PLA2G2D: variants seen among roughly 807,000 people sequenced by gnomAD.
PLA2G2D encodes the protein phospholipase A2 group IID, also known as group IID secretory phospholipase A2.
In PLA2G2D, 17 loss-of-function variants were observed where a neutral mutation model predicts 13.9. That is an observed-to-expected ratio of 1.23 (90% CI 0.84 to 1.84). PLA2G2D has a LOEUF of 1.84. Among genes scored for constraint, PLA2G2D ranks in the 40% most tolerant of loss-of-function variants. The pLI is 0.00. For synonymous variants in PLA2G2D, 83 were observed against 69.3 expected, an observed-to-expected ratio of 1.20 and a Z score of -0.98; for missense variants, 194 against 178.7, an observed-to-expected ratio of 1.09 and a Z score of -0.49.
At position 20,116,469 on chromosome 1, in the gene PLA2G2D, G is replaced by C; in HGVS notation, c.49C>G (p.Pro17Ala). The change falls in exon 2 of 4, where the codon CCA (proline) becomes GCA (alanine). Residue 17 changes from proline to alanine, a missense_variant. Pro to Ala is a conservative substitution (Grantham distance 27, BLOSUM62 -1). Coordinates refer to ENST00000375105, the MANE Select transcript of PLA2G2D (RefSeq NM_012400.4). Reference protein sequence around the residue: ...CGLVVMAGVIPIQGGILNLNK... With the variant: ...CGLVVMAGVIAIQGGILNLNK... ...AGGTTCAGGATCCCGCCCTGGATTG[G>C]AATCACACCTGCCAAGCAGCCCAGC... The C allele has an allele frequency of 6.2e-7, 1 of 1,614,156 alleles. No homozygotes were observed. Among genetic ancestry groups the C allele is most frequent in the Non-Finnish European group, 8.5e-7 (1 of 1,180,024 alleles).
At position 20,113,534 on chromosome 1, in the gene PLA2G2D, G is replaced by A. The variant is rs147591150; in HGVS notation, c.*580C>T. ...TTTATGGAGCTCCTTCTTGGTTCTGGTGTTGCTTTGGGCACCAGGGATGCA... is the reference window on the plus strand; with the variant it reads ...TTTATGGAGCTCCTTCTTGGTTCTGATGTTGCTTTGGGCACCAGGGATGCA... On this transcript the variant is annotated 3_prime_UTR_variant, in exon 4 of 4. Transcript: ENST00000375105. 6.6e-6 allele frequency: 1 copy of A among 152,280 alleles called. No homozygotes were observed. Among genetic ancestry groups the A allele is most frequent in the South Asian group, 2.1e-4 (1 of 4,816 alleles). The allele number at this position is 152,280 out of a possible 1,614,324, so 9.4% of individuals were successfully genotyped here. A position where few individuals can be genotyped will look rare whatever the true frequency, so the allele number is the denominator to read the frequency against.
rs1423081792 is a variant in PLA2G2D at position 20,115,888 on chromosome 1, C to T, written c.186-275G>A. Among the ~76,000 whole-genome samples the T allele has an allele frequency of 5.9e-5, 9 of 152,202 alleles. No individual in the cohort carries two copies. The East Asian group carries it at 1.2e-3, about 20-fold the overall frequency. On this transcript the variant is annotated intron_variant, in intron 2 of 3. Coordinates refer to ENST00000375105, the MANE Select transcript of PLA2G2D (RefSeq NM_012400.4). The stretch of plus-strand genomic sequence containing the variant: ...CTTCAGAGATGAAGAAACTGAGACT[C>T]GGGGAGGTCAAGACACTTGCCCAAG...
At position 20,112,393 on chromosome 1, in the gene PLA2G2D, T is replaced by G. The variant is rs2016902319; in HGVS notation, c.*1721A>C. 1 of 152,126 alleles carries G rather than the reference T, an allele frequency of 6.6e-6. No homozygotes were observed. The highest frequency in any genetic ancestry group is 1.5e-5 in the Non-Finnish European group (1 of 68,066). The allele number at this position is 152,126 out of a possible 1,614,324, so 9.4% of individuals were successfully genotyped here. A position where few individuals can be genotyped will look rare whatever the true frequency, so the allele number is the denominator to read the frequency against. On this transcript the variant is annotated 3_prime_UTR_variant, in exon 4 of 4. Coordinates refer to ENST00000375105, the MANE Select transcript of PLA2G2D (RefSeq NM_012400.4). ...GGGTATCCCTACCTGGAGTGGTGCA[T>G]AGAACTGGAATTTGAACCCAGCGCC...
intron 3 of PLA2G2D, 32 bp from the exon 4 acceptor site, chr1:20,114,291 G>A: frequency 6.3e-7 from 1 of 1,598,372 alleles, no homozygotes; most frequent in South Asian, 1.1e-5. Context: ...CTATGTGTTT[G>A]TCCTTTTCCG....
At chr1:20,117,427 T>A (rs2017010744) in intron 1 of PLA2G2D, among the ~76,000 whole-genome samples, 1 of 151,842 alleles carries the variant, frequency 6.6e-6, no homozygotes, top group South Asian at 2.1e-4. Flanking sequence ...ATAAAGAGAG[T>A]GTGTGGGTCT....
chr1:20,116,363 C>T lies in PLA2G2D; in HGVS notation c.155G>A (p.Gly52Asp). The T allele has an allele frequency of 6.2e-7, 1 of 1,614,202 alleles. No homozygotes were observed. The highest frequency in any genetic ancestry group is 1.6e-4 in the Middle Eastern group (1 of 6,062). ...CGTGGCATCTTTGGGTTGGCCTCTGCCACCTAGTCCGCAGTGACAGCCGTA... is the reference window on the plus strand; with the variant it reads ...CGTGGCATCTTTGGGTTGGCCTCTGTCACCTAGTCCGCAGTGACAGCCGTA... The part of the protein sequence containing the change: ...WPYGCHCGLG[G>D]RGQPKDATDW... The change falls in exon 2 of 4, where the codon GGC becomes GAC. Residue 52 changes from glycine (G) to aspartate (D), a missense_variant. Transcript: ENST00000375105.
intron 2 of PLA2G2D, 87 bp from the exon 3 acceptor site, chr1:20,115,700 C>CCCA (rs773161056): frequency 1.2e-5 from 10 of 845,042 alleles, no homozygotes; most frequent in African/African-American, 3.3e-5. Flanking sequence ...AACCCGTGTC[C>CCCA]CCACCTGGGA....
chr1:20,115,413 A>T, intron 3 of PLA2G2D, 94 bp downstream of exon 3: 1 of 780,434 alleles, frequency 1.3e-6, no homozygotes, highest in Non-Finnish European at 2.3e-6. Context: ...CAAAAAAAAA[A>T]CAGAGAGGTC....
At chr1:20,115,076 A>T (rs377407636) in intron 3 of PLA2G2D, among the ~76,000 whole-genome samples, 139 of 152,244 alleles carry the variant, frequency 9.1e-4, no homozygotes, top group African/African-American at 3.0e-3. Flanking sequence ...GGAGATAATC[A>T]GGGTTTTGCC....
At position 20,114,152 on chromosome 1, in the gene PLA2G2D, A is replaced by C; in HGVS notation, c.400T>G (p.Trp134Gly). 1 of 1,613,920 alleles carries C rather than the reference A, an allele frequency of 6.2e-7. No individual in the cohort carries two copies. The highest frequency in any genetic ancestry group is 8.5e-7 in the Non-Finnish European group (1 of 1,179,994). ...GTCTGCCCCCGGCAGTGGGGCCGCC[A>C]GTAGAAACGCAGTCGCTTCTGGTAG... is the stretch of plus-strand genomic sequence containing the variant. Reference protein sequence around the residue: ...DTYQKRLRFYWRPHCRGQTPG... With the variant: ...DTYQKRLRFYGRPHCRGQTPG... Residue 134 changes from tryptophan (W) to glycine (G), a missense_variant, in exon 4 of 4, where the codon TGG becomes GGG. By Grantham distance (184) the Trp-to-Gly change is radical. Coordinates refer to ENST00000375105, the MANE Select transcript of PLA2G2D (RefSeq NM_012400.4).
rs774868135 is a variant in PLA2G2D, at chr1:20,116,427, G to T, written c.91C>A (p.Gln31Lys). 11 of 1,614,028 alleles carry T rather than the reference G, an allele frequency of 6.8e-6. No homozygotes were observed. The South Asian group carries it at 1.1e-4, about 16-fold the overall frequency. Residue 31 changes from glutamine (Q) to lysine (K), a missense_variant, in exon 2 of 4, where the codon CAA becomes AAA. Gln to Lys is a moderately conservative substitution (Grantham distance 53, BLOSUM62 1). Coordinates refer to ENST00000375105, the MANE Select transcript of PLA2G2D (RefSeq NM_012400.4). ...AGGATGGGCATTTTCCCAGTCACTT[G>T]CTTGACCATCTTGTTCAGGTTCAGG... The part of the protein sequence containing the change: ...GILNLNKMVK[Q>K]VTGKMPILSY...
chr1:20,114,038 A>G lies in PLA2G2D; in HGVS notation c.*76T>C, dbSNP rs1288268201. 33 of 1,411,788 alleles carry G rather than the reference A, an allele frequency of 2.3e-5. No homozygotes were observed. Among genetic ancestry groups the G allele is most frequent in the Non-Finnish European group, 2.9e-5 (30 of 1,026,992 alleles). 87.5% of individuals were successfully genotyped at this position (1,411,788 alleles called of 1,614,324 possible). ...CTCCCCCCGGAGTGTTTGAAAAGCCAGGCTGGTTCAGGTTAGATACTGAGG... is the reference window on the plus strand; with the variant it reads ...CTCCCCCCGGAGTGTTTGAAAAGCCGGGCTGGTTCAGGTTAGATACTGAGG... On this transcript the variant is annotated 3_prime_UTR_variant, in exon 4 of 4. Coordinates refer to ENST00000375105, the MANE Select transcript of PLA2G2D (RefSeq NM_012400.4).
In PLA2G2D at chr1:20,115,613, C is replaced by G; in HGVS notation, c.186G>C (p.Trp62Cys). The change falls in exon 3 of 4, where the codon TGG becomes TGC. Residue 62 changes from tryptophan (W) to cysteine (C), a missense_variant and splice_region_variant. Transcript: ENST00000375105. ...GRGQPKDATDWCCQTHDCCYD... is the reference protein window; with the variant it reads ...GRGQPKDATDCCCQTHDCCYD... ...AGCAGCAGTCATGGGTCTGGCAGCA[C>G]CTGGAGCAGACAGGGTGCACAGCTG... is the stretch of plus-strand genomic sequence containing the variant. 1 of 1,599,372 alleles carries G rather than the reference C, an allele frequency of 6.3e-7. No homozygotes were observed. The highest frequency in any genetic ancestry group is 8.6e-7 in the Non-Finnish European group (1 of 1,166,738).
At chr1:20,118,754 A>T (rs2017035584) in intron 1 of PLA2G2D, among the ~76,000 whole-genome samples, 2 of 152,314 alleles carry the variant, frequency 1.3e-5, no homozygotes, top group South Asian at 4.1e-4. Context: ...TCATCTGTGT[A>T]TTTGATCTCT....
intron 1 of PLA2G2D, among the ~76,000 whole-genome samples, chr1:20,117,661 A>G (rs2017016111): frequency 6.6e-6 from 1 of 151,988 alleles, no homozygotes; most frequent in African/African-American, 2.4e-5. Context: ...CCTGTGTGCA[A>G]CTCCTAGAGA....
chr1:20,116,255 G>A (rs1569871046), intron 2 of PLA2G2D, 78 bp downstream of exon 2: 4 of 1,401,444 alleles, frequency 2.9e-6, no homozygotes. Context: ...TCAACTAAAT[G>A]AACAGGTGGG....
At chr1:20,116,561 T>C in intron 1 of PLA2G2D, 84 bp from the exon 2 acceptor site, 1 of 1,270,268 alleles carries the variant, frequency 7.9e-7, no homozygotes, top group East Asian at 2.3e-5. Flanking sequence ...ACCTCTGCTC[T>C]GCCCAGACCA....
intron 1 of PLA2G2D, among the ~76,000 whole-genome samples, chr1:20,118,038 G>A (rs1233909532): frequency 1.3e-5 from 2 of 152,112 alleles, no homozygotes; most frequent in African/African-American, 2.4e-5. Context: ...GACTTGCTAA[G>A]CTTTGGCTGC....
In PLA2G2D at chr1:20,114,203, A is replaced by G. The variant is rs760058406; in HGVS notation, c.349T>C (p.Phe117Leu). ...GTGTCCAGGTTGCGCTTCAGGCAGA[A>G]GGCCACCTCCTTGTCACAGGCACAC... ...QLCACDKEVA[F>L]CLKRNLDTYQ... Residue 117 changes from phenylalanine to leucine, a missense_variant, in exon 4 of 4, where the codon TTC (phenylalanine) becomes CTC (leucine). Transcript: ENST00000375105. The G allele has an allele frequency of 2.5e-6, 4 of 1,614,112 alleles. No homozygotes were observed. The East Asian group carries it at 6.7e-5, about 27-fold the overall frequency.
Sources: gnomAD v4.1 joint callset for allele counts (sites outside exome capture counted in the v4.1 genomes callset) on GRCh38, gnomAD v4.1.1 for gene constraint, MANE v1.5 for transcripts, NCBI Gene and HGNC (gene_info 2026-07-23, HGNC 2026-07-21) for gene names.